Variants in TBC1D5 observed in about 807,000 individuals in gnomAD.
TBC1D5 encodes the protein TBC1 domain family member 5, also known as TBC1 domain family, member 5.
In TBC1D5, 75 loss-of-function variants were observed where a neutral mutation model predicts 100.3. That is an observed-to-expected ratio of 0.75 (90% CI 0.62 to 0.91). TBC1D5 has a LOEUF of 0.91. Among genes scored for constraint, TBC1D5 ranks in the 40% least tolerant of loss-of-function variants. The pLI, the probability that TBC1D5 is intolerant of heterozygous loss-of-function variation, is 0.00. For missense variants in TBC1D5, 910 were observed against 942.4 expected (o/e 0.97, Z 0.45); for synonymous variants, 323 against 325.6 (o/e 0.99, Z 0.09).
chr3:17,366,811 T>C (rs2092162493), intron 13 of TBC1D5, among the ~76,000 whole-genome samples: 2 of 152,136 alleles, frequency 1.3e-5, no homozygotes, highest in Admixed American at 1.3e-4. Context: ...AGAAACAATA[T>C]ACTATGACAT....
chr3:17,534,787 G>C (rs1215488282), intron 2 of TBC1D5, among the ~76,000 whole-genome samples: 4 of 152,116 alleles, frequency 2.6e-5, no homozygotes, highest in South Asian at 2.1e-4. Context: ...ATGTATTACA[G>C]GGTCATTCAT....
chr3:17,410,676 C>T (rs1185629518), intron 4 of TBC1D5, among the ~76,000 whole-genome samples: 5 of 151,956 alleles, frequency 3.3e-5, no homozygotes, highest in African/African-American at 1.2e-4. Flanking sequence ...GGAGGGGTTT[C>T]AAGACTTCAG....
At chr3:17,688,163 A>AT (rs1419042952) in intron 1 of TBC1D5, among the ~76,000 whole-genome samples, 14 of 152,270 alleles carry the variant, frequency 9.2e-5, no homozygotes, top group African/African-American at 3.1e-4. Flanking sequence ...TAAATAAAAA[A>AT]ATATAAACTA....
In TBC1D5 at chr3:17,629,650, C is replaced by G. The variant is rs184297957; in HGVS notation, c.-100-5737G>C. Among the ~76,000 whole-genome samples, 15 of 152,242 alleles carry G rather than the reference C, an allele frequency of 9.9e-5. No homozygotes were observed. The East Asian group carries it at 2.5e-3, about 25-fold the overall frequency. On this transcript the variant is annotated intron_variant, in intron 1 of 21. Transcript: ENST00000253692. ...AAGCTTTAGTGAGAAAGAAGTAAAA[C>G]AGTGATGTAAGTAGTCATATTACAA...
At chr3:17,452,937 TA>T (rs139238946) in intron 3 of TBC1D5, among the ~76,000 whole-genome samples, 9 of 149,740 alleles carry the variant, frequency 6.0e-5, no homozygotes, top group Middle Eastern at 3.2e-3. Flanking sequence ...CTTAAAACAT[TA>T]AAAAAAAATA....
At chr3:17,642,873 A>G (rs1338929816) in intron 1 of TBC1D5, among the ~76,000 whole-genome samples, 1 of 152,172 alleles carries the variant, frequency 6.6e-6, no homozygotes, top group East Asian at 1.9e-4. Context: ...TTATACTTAT[A>G]GAAAGGTTGC....
chr3:17,210,229 C>T (rs2072793498), intron 18 of TBC1D5, among the ~76,000 whole-genome samples: 1 of 151,624 alleles, frequency 6.6e-6, no homozygotes, highest in Admixed American at 6.6e-5. Flanking sequence ...GCTCTGTCGC[C>T]CAGGCCTGAG....
chr3:17,308,068 G>A (rs1436717980), exon 14 of TBC1D5: 7 of 1,609,954 alleles, frequency 4.3e-6, no homozygotes, highest in Non-Finnish European at 5.9e-6. Context: ...CTGCAAACAA[G>A]GCATCCCAGA....
chr3:17,452,847 C>A (rs1372642437), intron 3 of TBC1D5, among the ~76,000 whole-genome samples: 1 of 152,014 alleles, frequency 6.6e-6, no homozygotes, highest in Non-Finnish European at 1.5e-5. Flanking sequence ...TTTCATCCAA[C>A]AGGTTCAGAA....
rs115288641 is a variant in TBC1D5, at chr3:17,624,316, C to T, written c.-100-403G>A. On this transcript the variant is annotated intron_variant, in intron 1 of 21. Transcript: ENST00000253692. ...TTATTTCTTTGCATGTTACATGATGCCTTTATTTTTTTATAATTAAGCAAT... is the reference window on the plus strand; with the variant it reads ...TTATTTCTTTGCATGTTACATGATGTCTTTATTTTTTTATAATTAAGCAAT... 3.5e-3 allele frequency among the ~76,000 whole-genome samples: 534 copies of T among 152,188 alleles called. 4 individuals carry two copies. Among genetic ancestry groups the T allele is most frequent in the African/African-American group, 0.012 (505 of 41,542 alleles).
In TBC1D5 at chr3:17,209,938, G is replaced by A. The variant is rs372296822; in HGVS notation, c.1752+4269C>T. On this transcript the variant is annotated intron_variant, in intron 18 of 21. Coordinates refer to ENST00000253692, the Ensembl canonical transcript of TBC1D5. ...GCTATTTAGCAGTGCTATAGTCTTCGGATCTACAAACATTATCATTCTGGG... is the reference window on the plus strand; with the variant it reads ...GCTATTTAGCAGTGCTATAGTCTTCAGATCTACAAACATTATCATTCTGGG... Among the ~76,000 whole-genome samples the A allele has an allele frequency of 7.2e-5, 11 of 152,086 alleles. 1 individual carries two copies. The highest frequency in any genetic ancestry group is 2.6e-4 in the Admixed American group (4 of 15,298).
intron 3 of TBC1D5, among the ~76,000 whole-genome samples, chr3:17,429,211 A>G (rs2094402278): frequency 6.6e-6 from 1 of 151,980 alleles, no homozygotes; most frequent in African/African-American, 2.4e-5. Context: ...CATTTAGAAC[A>G]AATTATACAT....
At chr3:17,551,225 A>T (rs982052688) in intron 2 of TBC1D5, among the ~76,000 whole-genome samples, 5 of 152,120 alleles carry the variant, frequency 3.3e-5, no homozygotes, top group Non-Finnish European at 5.9e-5. Flanking sequence ...AAACAGAAAT[A>T]AGTAAAGACG....
chr3:17,681,050 G>A (rs1449847607), intron 1 of TBC1D5, among the ~76,000 whole-genome samples: 2 of 151,372 alleles, frequency 1.3e-5, no homozygotes, highest in African/African-American at 2.5e-5. Flanking sequence ...TGTGTTTACC[G>A]TGACCTTTGG....
chr3:17,581,685 G>C (rs1275895427), intron 2 of TBC1D5, among the ~76,000 whole-genome samples: 1 of 152,088 alleles, frequency 6.6e-6, no homozygotes, highest in Non-Finnish European at 1.5e-5. Context: ...TGATCTCTCT[G>C]CTTCTGCCCT....
rs184883812 is a variant in TBC1D5 at position 17,599,787 on chromosome 3, C to T, written c.-36+24062G>A. Among the ~76,000 whole-genome samples the T allele has an allele frequency of 1.7e-3, 260 of 152,240 alleles. 2 individuals carry two copies. The highest frequency in any genetic ancestry group is 6.8e-3 in the Middle Eastern group (2 of 294). Reference sequence around the variant, plus strand: ...CCTGCAAGGGGTCTGAGCAAGGTGGCGGCCAAGTAAGCAAGCCACACCCCT... The same window carrying T: ...CCTGCAAGGGGTCTGAGCAAGGTGGTGGCCAAGTAAGCAAGCCACACCCCT... On this transcript the variant is annotated intron_variant, in intron 2 of 21. Coordinates refer to ENST00000253692, the Ensembl canonical transcript of TBC1D5.
intron 13 of TBC1D5, among the ~76,000 whole-genome samples, chr3:17,338,927 C>T (rs554910709): frequency 2.6e-5 from 4 of 152,268 alleles, no homozygotes; most frequent in African/African-American, 9.6e-5. Flanking sequence ...CTATCCCTGC[C>T]TTAAAGGAAT....
intron 1 of TBC1D5, among the ~76,000 whole-genome samples, chr3:17,686,533 T>C (rs1277572267): frequency 1.3e-5 from 2 of 152,116 alleles, no homozygotes; most frequent in African/African-American, 2.4e-5. Flanking sequence ...TTAGGTAACA[T>C]TTTACCTATT....
chr3:17,730,842 C>T (rs1054988475), intron 1 of TBC1D5, among the ~76,000 whole-genome samples: 3 of 152,024 alleles, frequency 2.0e-5, no homozygotes, highest in African/African-American at 2.4e-5. Flanking sequence ...AGATGTTATA[C>T]GTGGCCCTGG....
Sources: gnomAD v4.1 joint callset for allele counts (sites outside exome capture counted in the v4.1 genomes callset) on GRCh38, gnomAD v4.1.1 for gene constraint, MANE v1.5 for transcripts, NCBI Gene and HGNC (gene_info 2026-07-23, HGNC 2026-07-21) for gene names.